Variants in ABR observed in about 807,000 individuals in gnomAD.
ABR encodes active breakpoint cluster region-related protein.
A neutral mutation model predicts 107.2 loss-of-function variants in ABR; 35 were observed. That is an observed-to-expected ratio of 0.33 (90% CI 0.25 to 0.43). The LOEUF (loss-of-function observed/expected upper bound fraction) is 0.43. ABR is among the 20% of genes least tolerant of loss of function. ABR has a pLI of 1.00. For synonymous variants in ABR, 498 were observed against 462.0 expected (o/e 1.08, Z -1.00); for missense variants, 815 against 1,115.2 (o/e 0.73, Z 3.83).
intron 2 of ABR, among the ~76,000 whole-genome samples, chr17:1,120,490 G>C (rs2039298847): frequency 1.3e-5 from 2 of 152,236 alleles, no homozygotes; most frequent in East Asian, 1.9e-4. Flanking sequence ...TGCTGGCCAG[G>C]ATGGTCTTGA....
chr17:1,096,109 C>T (rs955447490), intron 3 of ABR, among the ~76,000 whole-genome samples: 3 of 152,104 alleles, frequency 2.0e-5, no homozygotes, highest in Non-Finnish European at 4.4e-5. Context: ...TTTTTTCCTT[C>T]ACCCCCTACT....
chr17:1,056,448 T>TCATAAATC (rs1011900307), intron 13 of ABR, among the ~76,000 whole-genome samples: 3 of 151,976 alleles, frequency 2.0e-5, no homozygotes, highest in Non-Finnish European at 2.9e-5. Context: ...ATATGATAAA[T>TCATAAATC]CATTCTGCTA....
At chr17:1,062,854 T>G (rs1157854620) in intron 10 of ABR, among the ~76,000 whole-genome samples, 3 of 144,148 alleles carry the variant, frequency 2.1e-5, no homozygotes, top group South Asian at 4.5e-4. Context: ...AACTGAGGGC[T>G]ATGCATGTTC....
At chr17:1,209,348 C>T (rs2150736849) in intron 1 of ABR, among the ~76,000 whole-genome samples, 1 of 149,926 alleles carries the variant, frequency 6.7e-6, no homozygotes, top group South Asian at 2.1e-4. Flanking sequence ...GTGATCTCGG[C>T]TCACCGCAAC....
chr17:1,168,308 A>G lies in ABR; in HGVS notation c.61+11359T>C, dbSNP rs917576360. 2.6e-5 allele frequency among the ~76,000 whole-genome samples: 4 copies of G among 152,282 alleles called. No homozygotes were observed. In the South Asian group the frequency reaches 8.3e-4, roughly 32 times the overall value. On this transcript the variant is annotated intron_variant, in intron 1 of 22. Transcript: ENST00000302538. ...AGAGCGAGACTCTGTCTCAAAAAAA[A>G]AGATAAGAAAGTGCTAAGCGATGTG...
intron 1 of ABR, among the ~76,000 whole-genome samples, chr17:1,151,546 A>G (rs1158480185): frequency 1.3e-5 from 2 of 152,242 alleles, no homozygotes; most frequent in Admixed American, 6.5e-5. Context: ...TCCCCACCTC[A>G]AAGCCGCGTT....
At chr17:1,216,654 A>C (rs2043015908) in intron 1 of ABR, among the ~76,000 whole-genome samples, 1 of 152,210 alleles carries the variant, frequency 6.6e-6, no homozygotes, top group Non-Finnish European at 1.5e-5. Flanking sequence ...GCACATCAGC[A>C]GACTGCACTT....
intron 18 of ABR, chr17:1,012,245 A>G: frequency 1.5e-6 from 1 of 672,048 alleles, no homozygotes; most frequent in Non-Finnish European, 2.7e-6. Flanking sequence ...ACTCTAGGGA[A>G]AGAACGTCCC....
In ABR at chr17:1,113,277, G is replaced by GGTTTTTTTTTTTTTTTTT. The variant is rs1416563541; in HGVS notation, c.246+11905_246+11906insAAAAAAAAAAAAAAAAAC. ...GGGATAACATGGAAACACCTATTGCGATTTTTTTTTTTTTTTTTTTTTTTT... is the reference window on the plus strand; with the variant it reads ...GGGATAACATGGAAACACCTATTGCGGTTTTTTTTTTTTTTTTTATTTTTTTTTTTTTTTTTTTTTTTT... On this transcript the variant is annotated intron_variant, in intron 2 of 22. Transcript: ENST00000302538. Among the ~76,000 whole-genome samples the GGTTTTTTTTTTTTTTTTT allele has an allele frequency of 5.7e-5, 5 of 88,172 alleles. 1 individual carries two copies. The highest frequency in any genetic ancestry group is 2.1e-5 in the Non-Finnish European group (1 of 46,544). 57.8% of individuals were successfully genotyped at this position (88,172 alleles called of 152,430 possible).
chr17:1,069,966 C>T lies in ABR; in HGVS notation c.1016+3G>A, dbSNP rs752748608. The T allele has an allele frequency of 1.9e-6, 3 of 1,600,214 alleles. No individual in the cohort carries two copies. The highest frequency in any genetic ancestry group is 3.4e-5 in the Admixed American group (2 of 59,362). On this transcript the variant is annotated splice_donor_region_variant and intron_variant, in intron 9 of 22. Coordinates refer to ENST00000302538, the MANE Select transcript of ABR (RefSeq NM_021962.5). ...CCCCGTGCCCCTGGACTCACACACTCACCCTGCAGAGGTCTTCTTCAGCTT... is the reference window on the plus strand; with the variant it reads ...CCCCGTGCCCCTGGACTCACACACTTACCCTGCAGAGGTCTTCTTCAGCTT...
At chr17:1,116,877 A>G (rs1214023812) in intron 2 of ABR, among the ~76,000 whole-genome samples, 1 of 152,150 alleles carries the variant, frequency 6.6e-6, no homozygotes, top group Admixed American at 6.5e-5. Flanking sequence ...GGAGAAATGC[A>G]GGGGCCGGCT....
chr17:1,180,942 G>A (rs975591506), upstream of ABR, among the ~76,000 whole-genome samples: 6 of 152,162 alleles, frequency 3.9e-5, no homozygotes, highest in African/African-American at 1.2e-4. Context: ...CAGTGGGGCT[G>A]AAGCCCCTTC....
upstream of ABR, among the ~76,000 whole-genome samples, chr17:1,180,589 A>T (rs1451773637): frequency 6.6e-6 from 1 of 152,082 alleles, no homozygotes; most frequent in African/African-American, 2.4e-5. Flanking sequence ...TGGGCGGAGG[A>T]CAAACTGGAG....
At chr17:1,076,229 A>G (rs2035696549) in intron 6 of ABR, among the ~76,000 whole-genome samples, 1 of 152,126 alleles carries the variant, frequency 6.6e-6, no homozygotes, top group Admixed American at 6.6e-5. Flanking sequence ...ACTTCATATG[A>G]CATATCTGTA....
intron 16 of ABR, among the ~76,000 whole-genome samples, chr17:1,014,773 T>A (rs1007009335): frequency 6.7e-6 from 1 of 149,516 alleles, no homozygotes; most frequent in East Asian, 2.0e-4. Flanking sequence ...ATGAACCCAG[T>A]AGGTGGAGGT....
chr17:1,114,606 C>G (rs1160376630), intron 2 of ABR, among the ~76,000 whole-genome samples: 1 of 152,116 alleles, frequency 6.6e-6, no homozygotes, highest in Non-Finnish European at 1.5e-5. Flanking sequence ...AACCCCGTCT[C>G]TACTAAAAAT....
rs555097433 is a variant in ABR at position 1,088,018 on chromosome 17, A to C, written c.531+3647T>G. On this transcript the variant is annotated intron_variant, in intron 4 of 22. Coordinates refer to ENST00000302538, the MANE Select transcript of ABR (RefSeq NM_021962.5). ...AGACGCTAATTCCCTTCTCTCAGTA[A>C]CGAATAATCAAATACCCAGAGTCTT... Among the ~76,000 whole-genome samples, 28 of 152,332 alleles carry C rather than the reference A, an allele frequency of 1.8e-4. No individual in the cohort carries two copies. The South Asian group carries it at 5.8e-3, about 32-fold the overall frequency.
chr17:1,180,122 G>T (rs2042082213), upstream of ABR, among the ~76,000 whole-genome samples: 1 of 151,700 alleles, frequency 6.6e-6, no homozygotes, highest in South Asian at 2.1e-4. Context: ...CCCCCGGCCG[G>T]GCTAAGGGGG....
chr17:1,007,420 G>GTCCT, intron 21 of ABR, 108 bp from the exon 22 acceptor site: 1 of 1,342,266 alleles, frequency 7.5e-7, no homozygotes, highest in Non-Finnish European at 1.0e-6. Context: ...CCTGGAAGGG[G>GTCCT]TCACCTCGTC....
Sources: gnomAD v4.1 joint callset for allele counts (sites outside exome capture counted in the v4.1 genomes callset) on GRCh38, gnomAD v4.1.1 for gene constraint, MANE v1.5 for transcripts, NCBI Gene and HGNC (gene_info 2026-07-23, HGNC 2026-07-21) for gene names.